The following EPHX1 variants were observed in gnomAD, a reference collection of about 807,000 sequenced individuals.
EPHX1 encodes the protein epoxide hydrolase 1, also known as epoxide hydratase.
EPHX1 carries 40 observed loss-of-function variants against 43.2 expected under a neutral mutation model. That is an observed-to-expected ratio of 0.93 (90% CI 0.72 to 1.21). The LOEUF (loss-of-function observed/expected upper bound fraction) is 1.21, where lower values mean the gene tolerates loss of function less well. Among genes scored for constraint, EPHX1 ranks in the 50% most tolerant of loss-of-function variants. The probability of loss-of-function intolerance (pLI) is 0.00; values close to 1 mark genes in which losing one functional copy is unlikely to be tolerated. For missense variants in EPHX1, 550 were observed against 570.4 expected (o/e 0.96, Z 0.36); for synonymous variants, 221 against 226.7 (o/e 0.98, Z 0.22).
intron 2 of EPHX1, among the ~76,000 whole-genome samples, chr1:225,830,301 C>CT (rs1475284779): frequency 1.3e-5 from 2 of 152,162 alleles, no homozygotes; most frequent in African/African-American, 4.8e-5. Context: ...CTAAGGGAGT[C>CT]TGAGATTTCC....
chr1:225,815,821 G>A (rs1281892840), intron 1 of EPHX1, among the ~76,000 whole-genome samples: 2 of 152,164 alleles, frequency 1.3e-5, no homozygotes, highest in African/African-American at 4.8e-5. Flanking sequence ...GTGCTCTCCT[G>A]TTACACACTG....
chr1:225,839,852 A>C lies in EPHX1; in HGVS notation c.746A>C (p.Asn249Thr), dbSNP rs1241367016. The C allele has an allele frequency of 1.2e-6, 2 of 1,614,080 alleles. No homozygotes were observed. Among genetic ancestry groups the C allele is most frequent in the Non-Finnish European group, 1.7e-6 (2 of 1,179,992 alleles). ...VPSHVKGLHL[N>T]MALVLSNFST... ...AGCCACGTGAAAGGCCTGCACTTGA[A>C]CATGGCTTTGGTTTTAAGCAACTTC... The change falls in exon 6 of 9, where the codon AAC (asparagine) becomes ACC (threonine). Residue 249 changes from asparagine (N) to threonine (T), a missense_variant. Physicochemically the swap from Asn to Thr is moderately conservative, Grantham distance 65. Transcript: ENST00000272167.
intron 7 of EPHX1, among the ~76,000 whole-genome samples, chr1:225,843,546 G>C (rs1483710497): frequency 1.3e-5 from 2 of 152,170 alleles, no homozygotes; most frequent in Non-Finnish European, 2.9e-5. Flanking sequence ...CCTTGGCAGG[G>C]GGTCTGGCCT....
At chr1:225,844,994 G>T in intron 8 of EPHX1, 152 bp from the exon 9 acceptor site, 1 of 855,980 alleles carries the variant, frequency 1.2e-6, no homozygotes, top group Admixed American at 2.1e-5. Context: ...AGTGAGGGGA[G>T]AGCGGTTGAG....
chr1:225,834,362 G>A (rs1002059064), intron 3 of EPHX1, among the ~76,000 whole-genome samples: 3 of 151,722 alleles, frequency 2.0e-5, no homozygotes, highest in Admixed American at 6.6e-5. Context: ...CCGAGATCGC[G>A]CCACTGCACT....
At position 225,845,329 on chromosome 1, in the gene EPHX1, G is replaced by A. The variant is rs4149230; in HGVS notation, c.1350G>A (p.Ser450=). ...CCCAGGACATCCGCAAGTTCCTGTC[G>A]GTGCTGGAGCGGCAATGACCCACCC... The part of the protein sequence containing the change: ...LLAQDIRKFL[S]VLERQ Residue 450 remains serine (S), a synonymous_variant, in exon 9 of 9, where the codon TCG becomes TCA. Transcript: ENST00000272167. 3.0e-5 allele frequency: 49 copies of A among 1,610,824 alleles called. No homozygotes were observed. Among genetic ancestry groups the A allele is most frequent in the Non-Finnish European group, 3.7e-5 (44 of 1,179,888 alleles).
chr1:225,824,399 T>TGCA (rs1351232723), intron 1 of EPHX1, among the ~76,000 whole-genome samples: 4 of 152,134 alleles, frequency 2.6e-5, no homozygotes, highest in Non-Finnish European at 5.9e-5. Context: ...TCCTCACAAC[T>TGCA]GCAGTGTGAT....
At chr1:225,833,825 C>T (rs1377400670) in intron 3 of EPHX1, among the ~76,000 whole-genome samples, 4 of 147,856 alleles carry the variant, frequency 2.7e-5, no homozygotes, top group African/African-American at 5.0e-5. Context: ...AGGCTGGGCG[C>T]CGTGGCTCAC....
intron 6 of EPHX1, 86 bp from the exon 7 acceptor site, chr1:225,842,280 G>A (rs957036015): frequency 1.2e-5 from 12 of 1,029,546 alleles, no homozygotes; most frequent in Non-Finnish European, 1.7e-5. Context: ...CCCGCCCTCT[G>A]CGGCCAGTGC....
At chr1:225,825,003 G>C (rs959410770) in intron 1 of EPHX1, among the ~76,000 whole-genome samples, 1 of 152,214 alleles carries the variant, frequency 6.6e-6, no homozygotes, top group Non-Finnish European at 1.5e-5. Flanking sequence ...CTTGAGCCAA[G>C]CAAGTACTAA....
At chr1:225,823,953 CA>C (rs1667104908) in intron 1 of EPHX1, among the ~76,000 whole-genome samples, 1 of 152,188 alleles carries the variant, frequency 6.6e-6, no homozygotes, top group Non-Finnish European at 1.5e-5. Flanking sequence ...CATAAAGCCG[CA>C]GCCCTGGCGA....
chr1:225,831,740 C>G (rs776864952), intron 2 of EPHX1, 39 bp from the exon 3 acceptor site: 1 of 1,606,286 alleles, frequency 6.2e-7, no homozygotes, highest in Non-Finnish European at 8.5e-7. Flanking sequence ...CTCTGTCCTT[C>G]CCATCCCTCT....
intron 7 of EPHX1, among the ~76,000 whole-genome samples, chr1:225,843,485 C>T (rs1190485262): frequency 6.6e-6 from 1 of 152,204 alleles, no homozygotes; most frequent in African/African-American, 2.4e-5. Flanking sequence ...TCTGTTTCCC[C>T]TGCCCTACAT....
intron 3 of EPHX1, among the ~76,000 whole-genome samples, chr1:225,836,196 T>C (rs1372252060): frequency 4.6e-5 from 7 of 152,226 alleles, no homozygotes; most frequent in South Asian, 4.1e-4. Flanking sequence ...GTGTGAGTCC[T>C]GGATGGGATC....
At chr1:225,840,871 C>T (rs925339366) in intron 6 of EPHX1, 5 of 152,222 alleles carry the variant, frequency 3.3e-5, no homozygotes, top group Non-Finnish European at 5.9e-5. Context: ...CCCACACACA[C>T]GAGGCAGCTC....
chr1:225,842,445 C>A lies in EPHX1; in HGVS notation c.1011C>A (p.Phe337Leu). The change falls in exon 7 of 9, where the codon TTC becomes TTA. Residue 337 changes from phenylalanine to leucine, a missense_variant. By Grantham distance (22) the Phe-to-Leu change is conservative (BLOSUM62 0). Coordinates refer to ENST00000272167, the MANE Select transcript of EPHX1 (RefSeq NM_001136018.4). ...EKFSTWTNTE[F>L]RYLEDGGLER... ...TTTCCACCTGGACCAATACGGAATT[C>A]CGATACCTGGAGGATGGAGGCCTGG... 1 of 1,613,986 alleles carries A rather than the reference C, an allele frequency of 6.2e-7. No homozygotes were observed. Among genetic ancestry groups the A allele is most frequent in the Admixed American group, 1.7e-5 (1 of 60,026 alleles).
At position 225,815,182 on chromosome 1, in the gene EPHX1, TC is replaced by T. The variant is rs1359417816; in HGVS notation, c.-6+5015del. ...ATGTGTGCCTCACTGAGGCAGGACT[TC>T]CAGACCCTACCAGGAAGGCTGCTAT... On this transcript the variant is annotated intron_variant, in intron 1 of 8. Transcript: ENST00000272167. Among the ~76,000 whole-genome samples the T allele has an allele frequency of 1.0e-4, 14 of 139,508 alleles. 2 individuals carry two copies. In the South Asian group the frequency reaches 3.1e-3, roughly 31 times the overall value. The allele number at this position is 139,508 out of a possible 152,430, so 91.5% of individuals were successfully genotyped here. A position where few individuals can be genotyped will look rare whatever the true frequency, so the allele number is the denominator to read the frequency against.
At chr1:225,821,023 T>C (rs1281927082) in intron 1 of EPHX1, among the ~76,000 whole-genome samples, 1 of 152,076 alleles carries the variant, frequency 6.6e-6, no homozygotes, top group Non-Finnish European at 1.5e-5. Context: ...AATCCAAATC[T>C]CTTATTTACT....
rs1667719708 is a variant in EPHX1 at position 225,833,270 on chromosome 1, T to C, written c.364+1311T>C. 2.6e-5 allele frequency among the ~76,000 whole-genome samples: 4 copies of C among 152,266 alleles called. No individual in the cohort carries two copies. In the South Asian group the frequency reaches 8.3e-4, roughly 31 times the overall value. On this transcript the variant is annotated intron_variant, in intron 3 of 8. Transcript: ENST00000272167. ...TGAAGATTTTAATTTGTTAAAATTC[T>C]AGGAATTACTTAAAGTGTATGAAAG...
Sources: allele counts gnomAD v4.1 joint callset (sites outside exome capture counted in the v4.1 genomes callset), GRCh38; gene constraint gnomAD v4.1.1; transcripts MANE v1.5; gene names NCBI Gene and HGNC (gene_info 2026-07-23, HGNC 2026-07-21).